Variants in GALNT17 observed in about 807,000 individuals in gnomAD.
GALNT17 encodes the protein UDP-GalNAc:polypeptide N-acetylgalactosaminyltransferase-like 3.
In GALNT17, 29 loss-of-function variants were observed where a neutral mutation model predicts 63.7. The observed-to-expected ratio is 0.46, with a 90% CI of 0.34 to 0.62. GALNT17 has a LOEUF of 0.62. Among genes scored for constraint, GALNT17 ranks in the 20% least tolerant of loss-of-function variants. The pLI is 0.01. For synonymous variants in GALNT17, 305 were observed against 318.3 expected (o/e 0.96, Z 0.45); for missense variants, 603 against 799.6 (o/e 0.75, Z 2.97).
chr7:71,283,992 C>T (rs554659675), intron 1 of GALNT17: 1 of 152,402 alleles, frequency 6.6e-6, no homozygotes, highest in African/African-American at 2.4e-5. Flanking sequence ...ATGGACCAAT[C>T]AGCAGGACAT....
intron 1 of GALNT17, among the ~76,000 whole-genome samples, chr7:71,251,408 A>G (rs1484891522): frequency 6.6e-6 from 1 of 152,154 alleles, no homozygotes; most frequent in Non-Finnish European, 1.5e-5. Context: ...CCATATTTCA[A>G]TACCTTTCTC....
intron 9 of GALNT17, among the ~76,000 whole-genome samples, chr7:71,682,929 C>T (rs972896044): frequency 1.3e-5 from 2 of 152,050 alleles, no homozygotes; most frequent in African/African-American, 4.8e-5. Context: ...ACTCCCTCCC[C>T]AGGCAGGAGG....
chr7:71,214,220 T>G (rs1298906537), intron 1 of GALNT17, among the ~76,000 whole-genome samples: 1 of 152,230 alleles, frequency 6.6e-6, no homozygotes, highest in Non-Finnish European at 1.5e-5. Context: ...TATGAATAGT[T>G]CCTTCAGGTG....
At chr7:71,410,447 C>T (rs1275897288) in intron 3 of GALNT17, among the ~76,000 whole-genome samples, 4 of 152,062 alleles carry the variant, frequency 2.6e-5, no homozygotes, top group South Asian at 4.1e-4. Context: ...GGTTTCACCA[C>T]GTTGGCCAGG....
intron 5 of GALNT17, among the ~76,000 whole-genome samples, chr7:71,555,375 T>C (rs934128569): frequency 2.6e-5 from 4 of 151,554 alleles, no homozygotes; most frequent in Admixed American, 6.6e-5. Context: ...GGAGTGTGCC[T>C]GAACAGAGGT....
chr7:71,523,740 T>C (rs1346288370), intron 5 of GALNT17, among the ~76,000 whole-genome samples: 4 of 105,378 alleles, frequency 3.8e-5, no homozygotes, highest in Non-Finnish European at 5.9e-5. Flanking sequence ...AGACCCTGTC[T>C]CAAAAAATAA....
At chr7:71,137,722 G>A (rs183634986) in intron 1 of GALNT17, among the ~76,000 whole-genome samples, 1 of 152,300 alleles carries the variant, frequency 6.6e-6, no homozygotes, top group Non-Finnish European at 1.5e-5. Context: ...CTGACTGAAG[G>A]GAACGAGATC....
intron 1 of GALNT17, among the ~76,000 whole-genome samples, chr7:71,204,570 C>CTTTT (rs200937071): frequency 5.7e-5 from 8 of 140,810 alleles, no homozygotes; most frequent in Admixed American, 1.4e-4. Context: ...TTTTCTTTTT[C>CTTTT]TTTTTTTTTT....
chr7:71,587,556 G>A (rs1789737708), intron 6 of GALNT17, among the ~76,000 whole-genome samples: 2 of 151,842 alleles, frequency 1.3e-5, no homozygotes, highest in African/African-American at 4.8e-5. Context: ...TTTTTCTACT[G>A]TCTGTGGCTT....
Position 71,420,982 on chromosome 7 carries a change from A to G in GALNT17, c.839A>G (p.Gln280Arg). 6.2e-7 allele frequency: 1 copy of G among 1,614,186 alleles called. No individual in the cohort carries two copies. Among genetic ancestry groups the G allele is most frequent in the Non-Finnish European group, 8.5e-7 (1 of 1,180,026 alleles). The stretch of plus-strand genomic sequence containing the variant: ...CTCCCCTCCATTGACAACATCAAAC[A>G]GGACAACTTTGAGGTGCAGCGGTAC... Reference protein sequence around the residue: ...VILPSIDNIKQDNFEVQRYEN... With the variant: ...VILPSIDNIKRDNFEVQRYEN... The change falls in exon 5 of 11, where the codon CAG (glutamine) becomes CGG (arginine). Residue 280 changes from glutamine (Q) to arginine (R), a missense_variant. Coordinates refer to ENST00000333538, the MANE Select transcript of GALNT17 (RefSeq NM_022479.3).
chr7:71,157,588 G>A (rs1435728128), intron 1 of GALNT17, among the ~76,000 whole-genome samples: 1 of 151,792 alleles, frequency 6.6e-6, no homozygotes, highest in African/African-American at 2.4e-5. Context: ...AACTGGGGAG[G>A]CAGAGGTTGC....
intron 5 of GALNT17, among the ~76,000 whole-genome samples, chr7:71,569,192 G>A (rs1043132436): frequency 7.2e-5 from 11 of 152,090 alleles, no homozygotes; most frequent in African/African-American, 2.7e-4. Context: ...GGATGGTCTC[G>A]ATCTCCTGAC....
chr7:71,631,177 A>C (rs754845759), intron 6 of GALNT17, among the ~76,000 whole-genome samples: 10 of 151,896 alleles, frequency 6.6e-5, no homozygotes, highest in Non-Finnish European at 1.2e-4. Flanking sequence ...TTAAGTAGTA[A>C]ATCTTTTATT....
chr7:71,268,854 G>A (rs1265833317), intron 1 of GALNT17, among the ~76,000 whole-genome samples: 1 of 152,104 alleles, frequency 6.6e-6, no homozygotes, highest in Non-Finnish European at 1.5e-5. Flanking sequence ...TTGGTAGGCA[G>A]GAAGGGTGGG....
chr7:71,428,650 G>A (rs2116478874), intron 5 of GALNT17, among the ~76,000 whole-genome samples: 1 of 152,226 alleles, frequency 6.6e-6, no homozygotes. Context: ...TGTTGGCCAG[G>A]ATGGTCTCGA....
intron 1 of GALNT17, among the ~76,000 whole-genome samples, chr7:71,244,229 C>T (rs1790053977): frequency 6.6e-6 from 1 of 152,208 alleles, no homozygotes; most frequent in Admixed American, 6.5e-5. Flanking sequence ...TCCTTCTTGG[C>T]TCCCACTTGC....
At chr7:71,199,247 A>G (rs200963077) in intron 1 of GALNT17, among the ~76,000 whole-genome samples, 1 of 152,108 alleles carries the variant, frequency 6.6e-6, no homozygotes, top group Non-Finnish European at 1.5e-5. Context: ...CAAATGATCT[A>G]TTTATTTTTC....
chr7:71,488,912 T>TTG (rs1347279475), intron 5 of GALNT17, among the ~76,000 whole-genome samples: 2 of 139,762 alleles, frequency 1.4e-5, no homozygotes, highest in African/African-American at 5.5e-5. Flanking sequence ...TTTTTTTTTT[T>TTG]TGAGACAGTC....
intron 5 of GALNT17, among the ~76,000 whole-genome samples, chr7:71,444,776 G>A (rs1046819250): frequency 6.6e-5 from 10 of 152,150 alleles, no homozygotes; most frequent in East Asian, 3.9e-4. Flanking sequence ...GCAGTGAGGC[G>A]AGATGGTGTC....
Sources: gnomAD v4.1 joint callset for allele counts (sites outside exome capture counted in the v4.1 genomes callset) on GRCh38, gnomAD v4.1.1 for gene constraint, MANE v1.5 for transcripts, NCBI Gene and HGNC (gene_info 2026-07-23, HGNC 2026-07-21) for gene names.